Variants in PCCA observed in about 807,000 individuals in gnomAD.
PCCA encodes propionyl-CoA carboxylase subunit alpha.
PCCA carries 74 observed loss-of-function variants against 101.3 expected under a neutral mutation model. The ratio of observed to expected loss-of-function variants is 0.73; its 90% CI spans 0.61 to 0.89. The LOEUF (loss-of-function observed/expected upper bound fraction) is 0.89, where lower values mean the gene tolerates loss of function less well. Among genes scored for constraint, PCCA ranks in the 40% least tolerant of loss-of-function variants. The pLI, the probability that PCCA is intolerant of heterozygous loss-of-function variation, is 0.00. For missense variants in PCCA, 891 were observed against 907.0 expected (o/e 0.98, Z 0.23); for synonymous variants, 294 against 313.6 (o/e 0.94, Z 0.66).
At chr13:100,404,750 A>T (rs989244413) in intron 19 of PCCA, among the ~76,000 whole-genome samples, 1 of 152,156 alleles carries the variant, frequency 6.6e-6, no homozygotes, top group Non-Finnish European at 1.5e-5. Flanking sequence ...GGTGAGAATC[A>T]TCCACTCTTA....
At chr13:100,217,880 C>T (rs1489777974) in intron 7 of PCCA, among the ~76,000 whole-genome samples, 1 of 150,940 alleles carries the variant, frequency 6.6e-6, no homozygotes, top group African/African-American at 2.4e-5. Flanking sequence ...TCAAGACCAG[C>T]CTGGCCAGCA....
intron 4 of PCCA, among the ~76,000 whole-genome samples, chr13:100,117,554 A>G (rs1341066295): frequency 1.3e-5 from 2 of 151,884 alleles, no homozygotes; most frequent in South Asian, 2.1e-4. Context: ...GTTCTCACTC[A>G]TAGGTGGGAA....
At chr13:100,209,301 G>C (rs1209547556) in intron 6 of PCCA, 31 bp from the exon 7 acceptor site, 2 of 1,603,804 alleles carry the variant, frequency 1.2e-6, no homozygotes, top group African/African-American at 2.7e-5. Flanking sequence ...TAATGTTCTT[G>C]TTATAAATTT....
At chr13:100,243,398 A>G (rs112077091) in intron 8 of PCCA, among the ~76,000 whole-genome samples, 1 of 152,338 alleles carries the variant, frequency 6.6e-6, no homozygotes, top group African/African-American at 2.4e-5. Flanking sequence ...GAATTTGACT[A>G]TAATTTTCTC....
intron 18 of PCCA, among the ~76,000 whole-genome samples, chr13:100,360,203 C>T (rs916271584): frequency 1.3e-5 from 2 of 151,308 alleles, no homozygotes; most frequent in Admixed American, 1.3e-4. Context: ...CATCAGATCT[C>T]GTGAGACTCC....
intron 4 of PCCA, among the ~76,000 whole-genome samples, chr13:100,129,487 CT>C (rs1228074555): frequency 6.6e-6 from 1 of 152,170 alleles, no homozygotes; most frequent in Non-Finnish European, 1.5e-5. Context: ...TGACCTTCCT[CT>C]TCCTCTCTCT....
chr13:100,353,755 C>A (rs890646686), intron 18 of PCCA, among the ~76,000 whole-genome samples: 1 of 152,108 alleles, frequency 6.6e-6, no homozygotes, highest in Non-Finnish European at 1.5e-5. Context: ...TAGTTCGAGA[C>A]CAGCCTGGGC....
intron 22 of PCCA, among the ~76,000 whole-genome samples, chr13:100,524,374 C>CGTGTGTGTGT (rs1210676697): frequency 0.089 from 12,305 of 139,004 alleles, 757 homozygotes; most frequent in East Asian, 0.28. Context: ...CAATTAAGCT[C>CGTGTGTGTGT]GTGTGTGTGT....
intron 5 of PCCA, among the ~76,000 whole-genome samples, chr13:100,156,369 G>T (rs886797036): frequency 7.9e-5 from 12 of 152,132 alleles, no homozygotes; most frequent in African/African-American, 2.9e-4. Flanking sequence ...TGCCCAGCCC[G>T]AGTTCAGCAT....
intron 21 of PCCA, among the ~76,000 whole-genome samples, chr13:100,513,039 C>T (rs922502738): frequency 4.6e-5 from 7 of 152,224 alleles, no homozygotes; most frequent in South Asian, 2.1e-4. Flanking sequence ...AAAGCTTTTA[C>T]GGTTCTCACC....
At chr13:100,360,376 T>C (rs1460079105) in intron 18 of PCCA, among the ~76,000 whole-genome samples, 2 of 152,104 alleles carry the variant, frequency 1.3e-5, no homozygotes, top group African/African-American at 4.8e-5. Flanking sequence ...GTTGCAGTAC[T>C]TGGTCTACAA....
intron 7 of PCCA, among the ~76,000 whole-genome samples, chr13:100,224,092 G>A (rs1355000200): frequency 1.3e-5 from 2 of 152,230 alleles, no homozygotes; most frequent in African/African-American, 4.8e-5. Flanking sequence ...GGGCACCGTG[G>A]AGCAGGGGGC....
intron 20 of PCCA, among the ~76,000 whole-genome samples, chr13:100,436,031 G>A (rs973844065): frequency 6.7e-5 from 10 of 148,488 alleles, no homozygotes; most frequent in Non-Finnish European, 7.4e-5. Flanking sequence ...CAACAAGAGC[G>A]AAACTCTGTC....
At chr13:100,309,475 A>C (rs1199277011) in intron 15 of PCCA, among the ~76,000 whole-genome samples, 1 of 152,174 alleles carries the variant, frequency 6.6e-6, no homozygotes, top group East Asian at 1.9e-4. Flanking sequence ...AATAGGGAAA[A>C]AATGTCTTAT....
intron 4 of PCCA, among the ~76,000 whole-genome samples, chr13:100,151,352 G>A (rs2053289458): frequency 6.6e-6 from 1 of 152,170 alleles, no homozygotes; most frequent in Non-Finnish European, 1.5e-5. Context: ...AGCACTTTGG[G>A]AGGCTGAGGT....
chr13:100,216,874 C>CGAGGTGGGCGGATCACCTGAGGT (rs1188936543), intron 7 of PCCA, among the ~76,000 whole-genome samples: 1 of 151,904 alleles, frequency 6.6e-6, no homozygotes, highest in African/African-American at 2.4e-5. Context: ...TTTGGGAGGC[C>CGAGGTGGGCGGATCACCTGAGGT]GAGGTGGGCG....
At chr13:100,185,864 C>T (rs2057218765) in intron 6 of PCCA, among the ~76,000 whole-genome samples, 1 of 152,154 alleles carries the variant, frequency 6.6e-6, no homozygotes, top group South Asian at 2.1e-4. Context: ...TGAGGCTCGT[C>T]TCGAACTCCC....
intron 19 of PCCA, among the ~76,000 whole-genome samples, chr13:100,390,227 CTTTCA>C (rs1331041100): frequency 6.6e-6 from 1 of 152,194 alleles, no homozygotes; most frequent in African/African-American, 2.4e-5. Context: ...GTACAATCTA[CTTTCA>C]TTTCTATTCC....
intron 16 of PCCA, among the ~76,000 whole-genome samples, chr13:100,312,870 T>C (rs2067033350): frequency 6.6e-6 from 1 of 152,210 alleles, no homozygotes. Flanking sequence ...TTGTGTTGGA[T>C]GAGCACAGAG....
Sources: gnomAD v4.1 joint callset for allele counts (sites outside exome capture counted in the v4.1 genomes callset) on GRCh38, gnomAD v4.1.1 for gene constraint, MANE v1.5 for transcripts, NCBI Gene and HGNC (gene_info 2026-07-23, HGNC 2026-07-21) for gene names.